The following ODF2L variants were observed in gnomAD, a reference collection of about 807,000 sequenced individuals.
The protein encoded by ODF2L is protein BCAP.
Under a neutral mutation model 86.3 loss-of-function variants are expected in ODF2L, and 76 were observed. The observed-to-expected ratio is 0.88, with a 90% CI of 0.73 to 1.07. The LOEUF (loss-of-function observed/expected upper bound fraction) is 1.07, where lower values mean the gene tolerates loss of function less well. Among genes scored for constraint, ODF2L ranks in the 50% least tolerant of loss-of-function variants. The pLI is 0.00. For missense variants in ODF2L, 748 were observed against 717.4 expected (o/e 1.04, Z -0.49); for synonymous variants, 241 against 231.3 (o/e 1.04, Z -0.38).
exon 18 of ODF2L, chr1:86,351,798 G>T: frequency 5.0e-6 from 3 of 596,846 alleles, no homozygotes; most frequent in Non-Finnish European, 4.2e-6. Flanking sequence ...TCCTTGAAGA[G>T]GTCCTTCACA....
At chr1:86,356,865 G>C (rs980027960) in intron 13 of ODF2L, among the ~76,000 whole-genome samples, 1 of 152,100 alleles carries the variant, frequency 6.6e-6, no homozygotes, top group African/African-American at 2.4e-5. Context: ...TAATTTTTAA[G>C]AGCAAATTTT....
chr1:86,387,221 C>T, intron 1 of ODF2L, 135 bp from the exon 2 acceptor site: 1 of 433,920 alleles, frequency 2.3e-6, no homozygotes, highest in South Asian at 5.7e-5. Flanking sequence ...AACTGCTACT[C>T]ATTGTTATAG....
chr1:86,394,773 T>C (rs1477199187), intron 1 of ODF2L, among the ~76,000 whole-genome samples: 1 of 151,686 alleles, frequency 6.6e-6, no homozygotes, highest in East Asian at 1.9e-4. Flanking sequence ...CATGACATTC[T>C]TACTATAAGC....
At chr1:86,357,993 T>C (rs1205715588) in intron 13 of ODF2L, 2 of 985,312 alleles carry the variant, frequency 2.0e-6, no homozygotes, top group Admixed American at 6.1e-5. Flanking sequence ...AGTAATTCCA[T>C]GAAAGCAGTA....
chr1:86,384,713 G>A, exon 4 of ODF2L: 1 of 1,525,340 alleles, frequency 6.6e-7, no homozygotes, highest in East Asian at 2.5e-5. Context: ...ATGTTCTAAA[G>A]CTAGTTTTAC....
intron 12 of ODF2L, among the ~76,000 whole-genome samples, chr1:86,359,390 T>G (rs1658850357): frequency 6.6e-6 from 1 of 152,160 alleles, no homozygotes; most frequent in South Asian, 2.1e-4. Context: ...CATTCCTACC[T>G]CAGACCTGGA....
chr1:86,389,010 T>C (rs1206212447), intron 1 of ODF2L, among the ~76,000 whole-genome samples: 1 of 152,174 alleles, frequency 6.6e-6, no homozygotes, highest in Non-Finnish European at 1.5e-5. Flanking sequence ...CCAGGACAAA[T>C]ATTGTTCAGA....
intron 7 of ODF2L, among the ~76,000 whole-genome samples, chr1:86,378,158 T>C (rs188885067): frequency 2.6e-5 from 4 of 152,324 alleles, no homozygotes; most frequent in Admixed American, 1.3e-4. Flanking sequence ...TCTCTCAAGT[T>C]CAAAGTTCAC....
intron 17 of ODF2L, 92 bp downstream of exon 16, chr1:86,352,764 AAAC>A: frequency 1.4e-6 from 1 of 735,414 alleles, no homozygotes; most frequent in East Asian, 2.8e-5. Flanking sequence ...ATTATCAGTA[AAAC>A]AATAGACTTG....
intron 8 of ODF2L, among the ~76,000 whole-genome samples, chr1:86,375,996 C>T (rs892754324): frequency 8.6e-5 from 13 of 152,044 alleles, no homozygotes; most frequent in African/African-American, 2.9e-4. Context: ...GGGGGGGACA[C>T]ACTTAATATT....
chr1:86,367,543 A>C (rs1198036333), intron 11 of ODF2L, among the ~76,000 whole-genome samples: 1 of 150,746 alleles, frequency 6.6e-6, no homozygotes, highest in African/African-American at 2.4e-5. Context: ...AGGATGAAGA[A>C]TTTCAAGAAG....
At chr1:86,351,882 A>G in exon 18 of ODF2L, 1 of 1,063,374 alleles carries the variant, frequency 9.4e-7, no homozygotes, top group Non-Finnish European at 1.1e-6. Flanking sequence ...TTATTTTACT[A>G]GCTTTAGCCA....
In ODF2L at chr1:86,354,995, A is replaced by G. The variant is rs970301799; in HGVS notation, c.1519-136T>C. 3 of 573,470 alleles carry G rather than the reference A, an allele frequency of 5.2e-6. No homozygotes were observed. The Admixed American group carries it at 9.8e-5, about 19-fold the overall frequency. The allele number at this position is 573,470 out of a possible 1,614,324, so 35.5% of individuals were successfully genotyped here. On this transcript the variant is annotated intron_variant, in intron 14 of 17. Transcript: ENST00000317336. ...TACTACTCTTACACAGAAAGACACC[A>G]AGAAAATGTTATATTGTTAAAATGG...
chr1:86,394,731 A>G (rs974845915), intron 1 of ODF2L, among the ~76,000 whole-genome samples: 3 of 152,206 alleles, frequency 2.0e-5, no homozygotes, highest in Non-Finnish European at 4.4e-5. Context: ...GAAGATGAAA[A>G]AGAGAAGCAA....
chr1:86,375,285 A>G (rs911612871), intron 8 of ODF2L, among the ~76,000 whole-genome samples: 1 of 152,186 alleles, frequency 6.6e-6, no homozygotes, highest in Non-Finnish European at 1.5e-5. Flanking sequence ...AACAGAAAGG[A>G]GGACAATGCA....
At chr1:86,386,292 C>T (rs1224737044) in intron 2 of ODF2L, 1 of 152,156 alleles carries the variant, frequency 6.6e-6, no homozygotes, top group African/African-American at 2.4e-5. Flanking sequence ...TCATTAACTA[C>T]ATTTCTGATA....
At chr1:86,387,385 C>A (rs1661028613) in intron 1 of ODF2L, among the ~76,000 whole-genome samples, 1 of 151,964 alleles carries the variant, frequency 6.6e-6, no homozygotes. Flanking sequence ...ATATTTGAAC[C>A]CAGCAGGACT....
chr1:86,362,575 G>C (rs1467531091), intron 11 of ODF2L, among the ~76,000 whole-genome samples: 1 of 152,182 alleles, frequency 6.6e-6, no homozygotes, highest in Non-Finnish European at 1.5e-5. Flanking sequence ...ACAGGCATGA[G>C]CCACCGTGCC....
chr1:86,354,733 G>A (rs770951491), intron 15 of ODF2L, 41 bp from the exon 15 acceptor site: 1 of 1,544,896 alleles, frequency 6.5e-7, no homozygotes, highest in Non-Finnish European at 8.9e-7. Flanking sequence ...TTAATGTGCA[G>A]AGAAATATGC....
Sources: gnomAD v4.1 joint callset for allele counts (sites outside exome capture counted in the v4.1 genomes callset) on GRCh38, gnomAD v4.1.1 for gene constraint, MANE v1.5 for transcripts, NCBI Gene and HGNC (gene_info 2026-07-23, HGNC 2026-07-21) for gene names.